Variants in IKZF3 observed in about 807,000 individuals in gnomAD.
IKZF3 encodes the protein zinc finger protein Aiolos.
IKZF3 carries 10 observed loss-of-function variants against 49.0 expected under a neutral mutation model. The ratio of observed to expected loss-of-function variants is 0.20; its 90% CI spans 0.13 to 0.35. The LOEUF (loss-of-function observed/expected upper bound fraction) is 0.35. Ranked by LOEUF, IKZF3 falls within the 10% of genes least tolerant of loss-of-function variation. The probability of loss-of-function intolerance (pLI) is 1.00; values close to 1 mark genes in which losing one functional copy is unlikely to be tolerated. For missense variants in IKZF3, 498 were observed against 664.8 expected, an observed-to-expected ratio of 0.75 and a Z score of 2.76; for synonymous variants, 209 against 228.2, an observed-to-expected ratio of 0.92 and a Z score of 0.76.
chr17:39,765,494 C>T lies in IKZF3; in HGVS notation c.*296G>A, dbSNP rs1476257016. On this transcript the variant is annotated 3_prime_UTR_variant, in exon 8 of 8. Transcript: ENST00000346872. ...TGTTTCATATAGCACATCTCCGGGA[C>T]CACTCATTCCACTGCTGTAGAAGAT... is the stretch of plus-strand genomic sequence containing the variant. 11 of 285,374 alleles carry T rather than the reference C, an allele frequency of 3.9e-5. No homozygotes were observed. Among genetic ancestry groups the T allele is most frequent in the Admixed American group, 2.4e-4 (5 of 21,174 alleles). 17.7% of individuals were successfully genotyped at this position (285,374 alleles called of 1,614,324 possible).
At chr17:39,854,129 C>CA (rs1408345433) in intron 1 of IKZF3, among the ~76,000 whole-genome samples, 1 of 151,456 alleles carries the variant, frequency 6.6e-6, no homozygotes, top group Admixed American at 6.6e-5. Context: ...CCGTCTCAAA[C>CA]AAAAAAACAA....
At chr17:39,832,689 T>C (rs1354733238) in intron 1 of IKZF3, among the ~76,000 whole-genome samples, 4 of 151,932 alleles carry the variant, frequency 2.6e-5, no homozygotes, top group Non-Finnish European at 5.9e-5. Context: ...GTTGATCTCA[T>C]GGAGGTGGAA....
At chr17:39,835,386 T>C in intron 1 of IKZF3, 1 of 482,042 alleles carries the variant, frequency 2.1e-6, no homozygotes, top group Non-Finnish European at 4.1e-6. Context: ...AATGGACCGC[T>C]CCCCACACAT....
At chr17:39,807,544 ATTTTTTTTT>A (rs890371023) in intron 3 of IKZF3, among the ~76,000 whole-genome samples, 6 of 80,782 alleles carry the variant, frequency 7.4e-5, no homozygotes, top group African/African-American at 3.1e-4. Flanking sequence ...GACTATTTAA[ATTTTTTTTT>A]TTTTTTTTTT....
At chr17:39,802,975 T>G (rs2144018508) in intron 3 of IKZF3, among the ~76,000 whole-genome samples, 1 of 152,320 alleles carries the variant, frequency 6.6e-6, no homozygotes, top group East Asian at 1.9e-4. Flanking sequence ...GACTATCAAA[T>G]AGCTCATTCA....
chr17:39,780,881 T>C (rs2060725316), intron 6 of IKZF3, among the ~76,000 whole-genome samples: 1 of 152,214 alleles, frequency 6.6e-6, no homozygotes, highest in South Asian at 2.1e-4. Flanking sequence ...AATAATGTGA[T>C]AATAATGACA....
intron 4 of IKZF3, 141 bp downstream of exon 4, chr17:39,792,532 C>G: frequency 1.2e-6 from 1 of 811,158 alleles, no homozygotes. Flanking sequence ...ACTGAGTGAA[C>G]AGCAATGCAG....
rs776730876 is a variant in IKZF3 at position 39,791,476 on chromosome 17, G to T, written c.532C>A (p.Leu178Ile). 1.1e-5 allele frequency: 17 copies of T among 1,613,900 alleles called. No homozygotes were observed. Among genetic ancestry groups the T allele is most frequent in the African/African-American group, 2.7e-5 (2 of 74,874 alleles). The change falls in exon 5 of 8, where the codon CTC becomes ATC. Residue 178 changes from leucine to isoleucine, a missense_variant. By Grantham distance (5) the Leu-to-Ile change is conservative. Transcript: ENST00000346872. The part of the protein sequence containing the change: ...HTGEKPFKCH[L>I]CNYACQRRDA... The stretch of plus-strand genomic sequence containing the variant: ...CTTCTTTGGCATGCATAGTTGCAGA[G>T]GTGACACTTAAAAGGTTTTTCCCCT...
At position 39,763,030 on chromosome 17, in the gene IKZF3, G is replaced by T. The variant is rs1207697360; in HGVS notation, c.*2760C>A. On this transcript the variant is annotated 3_prime_UTR_variant, in exon 8 of 8. Coordinates refer to ENST00000346872, the MANE Select transcript of IKZF3 (RefSeq NM_012481.5). ...TCTCTTGTCCCTTGAAGAACCAACA[G>T]GATGTGCGATATTTCAAGAACGTAA... 6.6e-6 allele frequency: 1 copy of T among 152,222 alleles called. No homozygotes were observed. Among genetic ancestry groups the T allele is most frequent in the Non-Finnish European group, 1.5e-5 (1 of 68,052 alleles). 9.4% of individuals were successfully genotyped at this position (152,222 alleles called of 1,614,324 possible).
In IKZF3 at chr17:39,760,614, G is replaced by A. The variant is rs1426660426; in HGVS notation, c.*5176C>T. The A allele has an allele frequency of 1.3e-5, 2 of 152,286 alleles. No homozygotes were observed. The highest frequency in any genetic ancestry group is 2.4e-5 in the African/African-American group (1 of 41,446). The allele number at this position is 152,286 out of a possible 1,614,324, so 9.4% of individuals were successfully genotyped here. A position where few individuals can be genotyped will look rare whatever the true frequency, so the allele number is the denominator to read the frequency against. ...GCTGGGATTACAGGCGTGAGCCACC[G>A]CACCTGACCCTCCTTAAAACATTCT... is the stretch of plus-strand genomic sequence containing the variant. On this transcript the variant is annotated 3_prime_UTR_variant, in exon 8 of 8. Transcript: ENST00000346872.
intron 1 of IKZF3, among the ~76,000 whole-genome samples, chr17:39,847,530 C>T (rs2062670928): frequency 6.6e-6 from 1 of 152,094 alleles, no homozygotes; most frequent in Non-Finnish European, 1.5e-5. Context: ...TATTTCAGGT[C>T]CTAGTTCAGC....
At position 39,794,919 on chromosome 17, in the gene IKZF3, G is replaced by A. The variant is rs190013627; in HGVS notation, c.164-1986C>T. On this transcript the variant is annotated intron_variant, in intron 3 of 7. Transcript: ENST00000346872. ...AGTGCTCTTCAGTTTGCATGTAGGC[G>A]TTTAAAAGAACCTCAACGGAAAATT... is the stretch of plus-strand genomic sequence containing the variant. Among the ~76,000 whole-genome samples, 14 of 152,170 alleles carry A rather than the reference G, an allele frequency of 9.2e-5. No homozygotes were observed. The Middle Eastern group carries it at 0.01, about 111-fold the overall frequency.
At chr17:39,818,917 G>C (rs760736651) in intron 3 of IKZF3, among the ~76,000 whole-genome samples, 1 of 151,348 alleles carries the variant, frequency 6.6e-6, no homozygotes, top group Non-Finnish European at 1.5e-5. Flanking sequence ...GTAAATAACT[G>C]TTTCTTTTCT....
At chr17:39,817,085 A>C (rs2061694876) in intron 3 of IKZF3, among the ~76,000 whole-genome samples, 1 of 152,180 alleles carries the variant, frequency 6.6e-6, no homozygotes, top group Non-Finnish European at 1.5e-5. Context: ...TAGTTGGGTA[A>C]AGCCTTTTCC....
intron 3 of IKZF3, among the ~76,000 whole-genome samples, chr17:39,809,223 T>C (rs1460211778): frequency 6.6e-6 from 1 of 152,244 alleles, no homozygotes; most frequent in Non-Finnish European, 1.5e-5. Context: ...GGTCTCCATA[T>C]GTTACTGTTT....
chr17:39,809,392 A>T (rs1436688327), intron 3 of IKZF3, among the ~76,000 whole-genome samples: 1 of 152,206 alleles, frequency 6.6e-6, no homozygotes, highest in East Asian at 1.9e-4. Context: ...TCACATGTTA[A>T]ACCCAGATAA....
intron 3 of IKZF3, among the ~76,000 whole-genome samples, chr17:39,799,982 G>A (rs974485481): frequency 1.3e-5 from 2 of 152,130 alleles, no homozygotes; most frequent in Non-Finnish European, 2.9e-5. Flanking sequence ...ACACTGTCCC[G>A]CTGATTAACA....
intron 3 of IKZF3, among the ~76,000 whole-genome samples, chr17:39,816,724 T>C (rs1376118315): frequency 6.6e-6 from 1 of 152,234 alleles, no homozygotes; most frequent in African/African-American, 2.4e-5. Flanking sequence ...GTTTGTTTTG[T>C]TTTTGTTTTT....
intron 5 of IKZF3, among the ~76,000 whole-genome samples, chr17:39,791,157 T>C (rs1177791594): frequency 6.6e-6 from 1 of 152,134 alleles, no homozygotes; most frequent in East Asian, 1.9e-4. Context: ...ACATTTTTTA[T>C]AGGGTGGGCT....
Sources: gnomAD v4.1 joint callset for allele counts (sites outside exome capture counted in the v4.1 genomes callset) on GRCh38, gnomAD v4.1.1 for gene constraint, MANE v1.5 for transcripts, NCBI Gene and HGNC (gene_info 2026-07-23, HGNC 2026-07-21) for gene names.